Variants in CNTNAP2 observed in about 807,000 individuals in gnomAD.
CNTNAP2 encodes contactin associated protein 2, also known as contactin-associated protein-like 2.
A neutral mutation model predicts 155.2 loss-of-function variants in CNTNAP2; 98 were observed. The observed-to-expected ratio is 0.63, with a 90% CI of 0.54 to 0.75. The LOEUF is 0.75. Among genes scored for constraint, CNTNAP2 ranks in the 30% least tolerant of loss-of-function variants. The pLI is 0.00. For missense variants in CNTNAP2, 1,727 were observed against 1,688.1 expected (o/e 1.02, Z -0.40); for synonymous variants, 651 against 631.2 (o/e 1.03, Z -0.47).
intron 13 of CNTNAP2, among the ~76,000 whole-genome samples, chr7:147,744,721 CTTG>C (rs1797009370): frequency 6.6e-6 from 1 of 152,166 alleles, no homozygotes. Flanking sequence ...CGGCTGCCTT[CTTG>C]TTGTATCCTC....
At chr7:148,273,186 T>C (rs1796813205) in intron 21 of CNTNAP2, among the ~76,000 whole-genome samples, 1 of 152,230 alleles carries the variant, frequency 6.6e-6, no homozygotes, top group African/African-American at 2.4e-5. Context: ...TTGTCTGGAT[T>C]GAGTAAAACC....
At chr7:148,294,821 CAT>C (rs1252694097) in intron 21 of CNTNAP2, among the ~76,000 whole-genome samples, 4 of 152,026 alleles carry the variant, frequency 2.6e-5, no homozygotes, top group Admixed American at 1.3e-4. Flanking sequence ...CAAAAATAAA[CAT>C]ATATATATTA....
intron 3 of CNTNAP2, among the ~76,000 whole-genome samples, chr7:146,986,343 T>C (rs1798114347): frequency 6.6e-6 from 1 of 152,230 alleles, no homozygotes; most frequent in South Asian, 2.1e-4. Context: ...CATTCCTTTT[T>C]ATGGCTGAGC....
At chr7:147,085,276 G>A (rs1800248777) in intron 4 of CNTNAP2, among the ~76,000 whole-genome samples, 1 of 152,078 alleles carries the variant, frequency 6.6e-6, no homozygotes, top group African/African-American at 2.4e-5. Flanking sequence ...CAGCCTCCAG[G>A]CCACGGACCT....
intron 2 of CNTNAP2, among the ~76,000 whole-genome samples, chr7:146,839,200 T>C (rs1480567948): frequency 3.9e-5 from 6 of 152,090 alleles, no homozygotes; most frequent in Non-Finnish European, 8.8e-5. Flanking sequence ...CTCTCAGTGG[T>C]ACAGGAAATT....
chr7:146,304,720 A>G (rs1409403556), intron 1 of CNTNAP2, among the ~76,000 whole-genome samples: 2 of 151,830 alleles, frequency 1.3e-5, no homozygotes, highest in African/African-American at 4.8e-5. Context: ...CCTTCATTTC[A>G]ACTTTGGTGA....
intron 13 of CNTNAP2, among the ~76,000 whole-genome samples, chr7:147,819,494 ATTG>A (rs1798328571): frequency 6.6e-6 from 1 of 152,064 alleles, no homozygotes; most frequent in Non-Finnish European, 1.5e-5. Flanking sequence ...TTTTACTTAT[ATTG>A]TTATTACTTT....
Position 147,083,787 on chromosome 7 carries a change from A to ATATATACATATACACATGTATGTACATAT in CNTNAP2, c.551-24277_551-24249dup, listed in dbSNP as rs1288904585. Among the ~76,000 whole-genome samples the ATATATACATATACACATGTATGTACATAT allele has an allele frequency of 5.1e-4, 52 of 102,474 alleles. 3 individuals are homozygous for ATATATACATATACACATGTATGTACATAT. Among genetic ancestry groups the ATATATACATATACACATGTATGTACATAT allele is most frequent in the South Asian group, 1.5e-3 (5 of 3,296 alleles). The allele number at this position is 102,474 out of a possible 152,430, so 67.2% of individuals were successfully genotyped here. A position where few individuals can be genotyped will look rare whatever the true frequency, so the allele number is the denominator to read the frequency against. On this transcript the variant is annotated intron_variant, in intron 4 of 23. Coordinates refer to ENST00000361727, the MANE Select transcript of CNTNAP2 (RefSeq NM_014141.6). ...GTGTATACACATATATGTATATATT[A>ATATATACATATACACATGTATGTACATAT]TATATACATATACACATGTATGTAC...
At chr7:146,224,746 G>A (rs1299126550) in intron 1 of CNTNAP2, among the ~76,000 whole-genome samples, 1 of 152,118 alleles carries the variant, frequency 6.6e-6, no homozygotes, top group Non-Finnish European at 1.5e-5. Context: ...TCCAGCCTGG[G>A]TGACAGAGCG....
intron 4 of CNTNAP2, among the ~76,000 whole-genome samples, chr7:147,080,438 A>G (rs966723101): frequency 6.6e-6 from 1 of 152,088 alleles, no homozygotes. Flanking sequence ...GATTAAGTGA[A>G]GAGACTTAAT....
At chr7:147,758,623 AGCTTGAGCTCAGG>A (rs1797252550) in intron 13 of CNTNAP2, among the ~76,000 whole-genome samples, 1 of 152,110 alleles carries the variant, frequency 6.6e-6, no homozygotes. Flanking sequence ...GCAGGCAGAT[AGCTTGAGCTCAGG>A]AGTTCTAGAC....
chr7:146,391,702 C>T (rs1432987287), intron 1 of CNTNAP2, among the ~76,000 whole-genome samples: 3 of 152,108 alleles, frequency 2.0e-5, no homozygotes, highest in Non-Finnish European at 4.4e-5. Flanking sequence ...TAGTTTGCTA[C>T]AGATCATGGC....
chr7:146,303,382 C>A (rs1030461730), intron 1 of CNTNAP2, among the ~76,000 whole-genome samples: 3 of 121,012 alleles, frequency 2.5e-5, no homozygotes, highest in African/African-American at 4.9e-5. Flanking sequence ...AAAGTAAATA[C>A]AAAACAGAAG....
intron 13 of CNTNAP2, among the ~76,000 whole-genome samples, chr7:147,723,595 C>T (rs1420892832): frequency 6.6e-6 from 1 of 151,298 alleles, no homozygotes; most frequent in African/African-American, 2.4e-5. Context: ...ACTCTAGTTG[C>T]AAAACTCTGC....
At chr7:146,865,904 G>A (rs1006388037) in intron 3 of CNTNAP2, among the ~76,000 whole-genome samples, 6 of 151,974 alleles carry the variant, frequency 3.9e-5, no homozygotes, top group African/African-American at 9.7e-5. Context: ...ACAATGACCC[G>A]TTTTCCTTGA....
chr7:146,514,967 A>G (rs2129136232), intron 1 of CNTNAP2, among the ~76,000 whole-genome samples: 1 of 152,144 alleles, frequency 6.6e-6, no homozygotes, highest in South Asian at 2.1e-4. Flanking sequence ...GGGCTCTTGC[A>G]AAAGCTTGGG....
At chr7:147,141,669 T>G (rs1801600734) in intron 8 of CNTNAP2, among the ~76,000 whole-genome samples, 1 of 152,124 alleles carries the variant, frequency 6.6e-6, no homozygotes, top group Admixed American at 6.5e-5. Context: ...CCTTGGCCAC[T>G]ACCTCTCATA....
At chr7:148,177,789 T>A (rs1221991232) in intron 18 of CNTNAP2, among the ~76,000 whole-genome samples, 1 of 152,222 alleles carries the variant, frequency 6.6e-6, no homozygotes, top group African/African-American at 2.4e-5. Flanking sequence ...GCATAGCCTC[T>A]AGTCTTAAAG....
intron 8 of CNTNAP2, among the ~76,000 whole-genome samples, chr7:147,242,033 G>A (rs939762566): frequency 2.6e-5 from 4 of 152,128 alleles, no homozygotes; most frequent in Admixed American, 2.0e-4. Flanking sequence ...CAAAACTGCC[G>A]ACTGTCCTCT....
Sources: gnomAD v4.1 joint callset for allele counts (sites outside exome capture counted in the v4.1 genomes callset) on GRCh38, gnomAD v4.1.1 for gene constraint, MANE v1.5 for transcripts, NCBI Gene and HGNC (gene_info 2026-07-23, HGNC 2026-07-21) for gene names.